Variants in PLB1 observed in about 807,000 individuals in gnomAD.
PLB1 encodes the protein phospholipase B1, membrane-associated.
PLB1 carries 242 observed loss-of-function variants against 227.4 expected under a neutral mutation model. The observed-to-expected ratio is 1.06, with a 90% CI of 0.96 to 1.18. PLB1 has a LOEUF of 1.18. Among genes scored for constraint, PLB1 ranks in the 50% most tolerant of loss-of-function variants. PLB1 has a pLI of 0.00. For synonymous variants in PLB1, 757 were observed against 682.2 expected (o/e 1.11, Z -1.71); for missense variants, 1,858 against 1,816.3 (o/e 1.02, Z -0.42).
chr2:28,552,777 T>A, intron 16 of PLB1, 151 bp from the exon 17 acceptor site: 1 of 632,702 alleles, frequency 1.6e-6, no homozygotes, highest in Non-Finnish European at 2.9e-6. Flanking sequence ...GACAATTGGA[T>A]ATGAGTGTTG....
chr2:28,506,452 G>A (rs985781028), intron 1 of PLB1, among the ~76,000 whole-genome samples: 4 of 152,172 alleles, frequency 2.6e-5, no homozygotes, highest in Non-Finnish European at 4.4e-5. Flanking sequence ...GGAGTGTGGG[G>A]TTGGTGTAGG....
chr2:28,637,917 G>A (rs1051467216), intron 56 of PLB1, among the ~76,000 whole-genome samples: 2 of 152,162 alleles, frequency 1.3e-5, no homozygotes, highest in Non-Finnish European at 2.9e-5. Context: ...CACAGTGCCT[G>A]GCTTAGGAAA....
At chr2:28,605,827 T>C (rs202241342) in intron 41 of PLB1, 26 bp from the exon 42 acceptor site, 3 of 1,567,064 alleles carry the variant, frequency 1.9e-6, no homozygotes, top group Admixed American at 3.3e-5. Context: ...AATAGGATCT[T>C]GAGGGGGTAT....
intron 18 of PLB1, among the ~76,000 whole-genome samples, chr2:28,563,953 A>G (rs1676445707): frequency 6.6e-6 from 1 of 152,152 alleles, no homozygotes; most frequent in South Asian, 2.1e-4. Flanking sequence ...GATTCAACCA[A>G]TAAAGGCTGG....
intron 26 of PLB1, among the ~76,000 whole-genome samples, chr2:28,586,770 C>T (rs943240585): frequency 1.3e-4 from 20 of 152,112 alleles, no homozygotes; most frequent in African/African-American, 4.6e-4. Context: ...CTATTTGAGA[C>T]AGGGTCTCAC....
intron 1 of PLB1, among the ~76,000 whole-genome samples, chr2:28,499,695 C>T (rs1572602776): frequency 6.6e-6 from 1 of 151,994 alleles, no homozygotes; most frequent in South Asian, 2.1e-4. Flanking sequence ...AGACCAGCCT[C>T]ACCAACATGG....
intron 1 of PLB1, among the ~76,000 whole-genome samples, chr2:28,511,549 T>A (rs34821748): frequency 0.27 from 41,021 of 152,046 alleles, 6,649 homozygotes; most frequent in African/African-American, 0.46. Flanking sequence ...ATTGTTGCTG[T>A]TGAGAAGTCA....
intron 43 of PLB1, among the ~76,000 whole-genome samples, chr2:28,607,441 C>A (rs182222519): frequency 8.1e-4 from 123 of 152,230 alleles, no homozygotes; most frequent in African/African-American, 2.7e-3. Context: ...GCCTGCCCTA[C>A]CCCAGTCTTG....
intron 47 of PLB1, 93 bp downstream of exon 47, chr2:28,620,425 G>C: frequency 7.3e-7 from 1 of 1,377,822 alleles, no homozygotes; most frequent in Non-Finnish European, 9.9e-7. Flanking sequence ...GGATGCAGTT[G>C]GGTCCCCAGG....
chr2:28,518,443 C>T, intron 2 of PLB1, 23 bp from the exon 3 acceptor site: 1 of 1,585,408 alleles, frequency 6.3e-7, no homozygotes, highest in Non-Finnish European at 8.7e-7. Context: ...GTTGATGTTT[C>T]TGATGTTCGT....
intron 1 of PLB1, among the ~76,000 whole-genome samples, chr2:28,506,391 G>T (rs973618918): frequency 6.6e-6 from 1 of 152,148 alleles, no homozygotes; most frequent in Admixed American, 6.6e-5. Context: ...GCAGGCAAGG[G>T]GAGGGCATGG....
Position 28,525,907 on chromosome 2 carries a change from C to T in PLB1, c.287C>T (p.Thr96Ile), listed in dbSNP as rs764358087. The T allele has an allele frequency of 2.9e-5, 47 of 1,613,944 alleles. 1 individual carries two copies. In the South Asian group the frequency reaches 4.9e-4, roughly 17 times the overall value. The change falls in exon 6 of 58, where the codon ACT becomes ATT. Residue 96 changes from threonine to isoleucine, a missense_variant and splice_region_variant. Coordinates refer to ENST00000327757, the MANE Select transcript of PLB1 (RefSeq NM_153021.5). ...GTGDLEKQDW[T>I]ERPQQVCMGV... ...CACATGCCTGCTTCTACCTGCAGGA[C>T]TGAAAGGCCACAGCAGGTGTGCATG...
intron 23 of PLB1, among the ~76,000 whole-genome samples, chr2:28,581,043 A>G (rs1679844601): frequency 6.6e-6 from 1 of 152,012 alleles, no homozygotes; most frequent in Admixed American, 6.6e-5. Context: ...GGGAGGTGGG[A>G]CCCTGGGCCC....
At chr2:28,583,525 G>A (rs1680406434) in intron 25 of PLB1, among the ~76,000 whole-genome samples, 1 of 152,138 alleles carries the variant, frequency 6.6e-6, no homozygotes, top group African/African-American at 2.4e-5. Context: ...GACACCACAA[G>A]GGGAAAATTC....
intron 21 of PLB1, among the ~76,000 whole-genome samples, chr2:28,574,078 G>A (rs940228209): frequency 4.6e-5 from 7 of 152,184 alleles, no homozygotes; most frequent in Non-Finnish European, 7.3e-5. Context: ...AGATTCCAGG[G>A]CCTTGAGTGC....
At chr2:28,504,910 A>G (rs1400662514) in intron 1 of PLB1, among the ~76,000 whole-genome samples, 1 of 152,076 alleles carries the variant, frequency 6.6e-6, no homozygotes, top group African/African-American at 2.4e-5. Context: ...CTTTTATTGC[A>G]TGGTGCTCAG....
intron 36 of PLB1, 103 bp from the exon 37 acceptor site, chr2:28,601,149 C>G: frequency 1.0e-6 from 1 of 981,804 alleles, no homozygotes; most frequent in Non-Finnish European, 1.6e-6. Flanking sequence ...TCCATTATTT[C>G]AAGTGGGCAA....
At position 28,606,503 on chromosome 2, in the gene PLB1, C is replaced by T. The variant is rs1684701946; in HGVS notation, c.3065C>T (p.Pro1022Leu). 2 of 1,613,994 alleles carry T rather than the reference C, an allele frequency of 1.2e-6. No homozygotes were observed. The highest frequency in any genetic ancestry group is 2.2e-5 in the East Asian group (1 of 44,882). ...ARALWTNMLE[P>L]LGSKTETLDL... The stretch of plus-strand genomic sequence containing the variant: ...CTTTTCTTCCCTGATCAGCTTGAAC[C>T]ACTTGGAAGCAAAACAGAGACCCTG... Residue 1022 changes from proline to leucine, a missense_variant, in exon 43 of 58, where the codon CCA (proline) becomes CTA (leucine). Transcript: ENST00000327757.
intron 32 of PLB1, 31 bp downstream of exon 32, chr2:28,592,750 G>T (rs1420776647): frequency 6.2e-7 from 1 of 1,606,566 alleles, no homozygotes; most frequent in Non-Finnish European, 8.5e-7. Flanking sequence ...GGTGGTTTGG[G>T]GATAACTAGG....
Sources: allele counts gnomAD v4.1 joint callset (sites outside exome capture counted in the v4.1 genomes callset), GRCh38; gene constraint gnomAD v4.1.1; transcripts MANE v1.5; gene names NCBI Gene and HGNC (gene_info 2026-07-23, HGNC 2026-07-21).